POMP: variants seen among roughly 807,000 people sequenced by gnomAD.
The protein encoded by POMP is proteasome maturation protein.
POMP carries 12 observed loss-of-function variants against 20.6 expected under a neutral mutation model. The ratio of observed to expected loss-of-function variants is 0.58; its 90% CI spans 0.37 to 0.94. The LOEUF is 0.94. POMP is among the 40% of genes least tolerant of loss of function. The probability of loss-of-function intolerance (pLI) is 0.01; values close to 1 mark genes in which losing one functional copy is unlikely to be tolerated. For synonymous variants in POMP, 53 were observed against 55.0 expected, an observed-to-expected ratio of 0.96 and a Z score of 0.16; for missense variants, 136 against 161.1, an observed-to-expected ratio of 0.84 and a Z score of 0.84.
chr13:28,670,950 G>A (rs561499775), intron 4 of POMP, among the ~76,000 whole-genome samples: 2 of 151,714 alleles, frequency 1.3e-5, no homozygotes, highest in African/African-American at 2.4e-5. Flanking sequence ...GGGAGGCTGA[G>A]GCAGGAGAAT....
At chr13:28,668,848 C>T (rs1373242732) in intron 4 of POMP, among the ~76,000 whole-genome samples, 1 of 151,768 alleles carries the variant, frequency 6.6e-6, no homozygotes, top group Non-Finnish European at 1.5e-5. Context: ...AATTTGAGAT[C>T]CCTCTAAGAA....
At chr13:28,666,281 G>A (rs570022712) in intron 3 of POMP, among the ~76,000 whole-genome samples, 10 of 152,120 alleles carry the variant, frequency 6.6e-5, no homozygotes, top group Non-Finnish European at 1.2e-4. Context: ...AGCAGATTAC[G>A]TTAGTTACTA....
At position 28,678,811 on chromosome 13, in the gene POMP, T is replaced by A. The variant is rs1360997904; in HGVS notation, c.*709T>A. 1 of 152,234 alleles carries A rather than the reference T, an allele frequency of 6.6e-6. No individual in the cohort carries two copies. The highest frequency in any genetic ancestry group is 1.5e-5 in the Non-Finnish European group (1 of 68,054). The allele number at this position is 152,234 out of a possible 1,614,324, so 9.4% of individuals were successfully genotyped here. On this transcript the variant is annotated 3_prime_UTR_variant, in exon 6 of 6. Transcript: ENST00000380842. ...TGTTCTTAATTTATATATTACAAGATACTGTAAGGTATTCTTTATGAAGTT... is the reference window on the plus strand; with the variant it reads ...TGTTCTTAATTTATATATTACAAGAAACTGTAAGGTATTCTTTATGAAGTT...
rs1037730908 is a variant in POMP, at chr13:28,666,910, G to C, written c.163-1563G>C. Among the ~76,000 whole-genome samples, 5 of 152,272 alleles carry C rather than the reference G, an allele frequency of 3.3e-5. No homozygotes were observed. In the East Asian group the frequency reaches 9.7e-4, roughly 29 times the overall value. On this transcript the variant is annotated intron_variant, in intron 3 of 5. Coordinates refer to ENST00000380842, the MANE Select transcript of POMP (RefSeq NM_015932.6). ...TGTCACAAGTGGTGCGGTGGGGGAT[G>C]GGGGGATGTAATATTGGCATCTATG...
chr13:28,669,757 C>A (rs1471156248), intron 4 of POMP, among the ~76,000 whole-genome samples: 1 of 152,182 alleles, frequency 6.6e-6, no homozygotes, highest in African/African-American at 2.4e-5. Flanking sequence ...AGTGCCCCAT[C>A]TCTAGTCCTT....
At position 28,662,489 on chromosome 13, in the gene POMP, A is replaced by C. The variant is rs140397494; in HGVS notation, c.83A>C (p.His28Pro). 1,338 of 1,612,556 alleles carry C rather than the reference A, an allele frequency of 8.3e-4. No homozygotes were observed. Among genetic ancestry groups the C allele is most frequent in the Non-Finnish European group, 1.1e-3 (1,271 of 1,178,558 alleles). Residue 28 changes from histidine (H) to proline (P), a missense_variant, in exon 2 of 6, where the codon CAT (histidine) becomes CCT (proline). By Grantham distance (77) the His-to-Pro change is moderately conservative. Coordinates refer to ENST00000380842, the MANE Select transcript of POMP (RefSeq NM_015932.6). ...TCAGCAAGTGGACCTTTTGAAAGTC[A>C]TGATCTTCTTCGGAAAGGGTATATG... ...ELSASGPFES[H>P]DLLRKGFSCV...
In POMP at chr13:28,662,392, T is replaced by C. The variant is rs763262267; in HGVS notation, c.4-18T>C. 5 of 1,586,568 alleles carry C rather than the reference T, an allele frequency of 3.2e-6. No homozygotes were observed. The highest frequency in any genetic ancestry group is 4.3e-6 in the Non-Finnish European group (5 of 1,155,446). ...AAATTTTTTTTCTATTTAATAATGT[T>C]TTTTATTTGTGTTGTAGAATGCCAG... is the stretch of plus-strand genomic sequence containing the variant. On this transcript the variant is annotated intron_variant, in intron 1 of 5. Transcript: ENST00000380842.
Position 28,678,344 on chromosome 13 carries a change from AGTT to A in POMP, c.*247_*249del, listed in dbSNP as rs1593177026. On this transcript the variant is annotated 3_prime_UTR_variant, in exon 6 of 6. Coordinates refer to ENST00000380842, the MANE Select transcript of POMP (RefSeq NM_015932.6). ...AAACAGTAGCCTTTGTCTTTAAAAA[AGTT>A]GTTGCTCATGAATATTATAAAATGA... The A allele has an allele frequency of 2.1e-6, 1 of 473,928 alleles. No homozygotes were observed. Among genetic ancestry groups the A allele is most frequent in the Non-Finnish European group, 3.8e-6 (1 of 263,276 alleles). 29.4% of individuals were successfully genotyped at this position (473,928 alleles called of 1,614,324 possible).
intron 1 of POMP, among the ~76,000 whole-genome samples, chr13:28,660,711 G>A (rs933260456): frequency 2.0e-5 from 3 of 152,094 alleles, no homozygotes; most frequent in Non-Finnish European, 4.4e-5. Context: ...TCTTTTCCTC[G>A]TCCACCATGA....
At chr13:28,677,410 A>G (rs1255799722) in intron 5 of POMP, among the ~76,000 whole-genome samples, 2 of 152,170 alleles carry the variant, frequency 1.3e-5, no homozygotes, top group Admixed American at 6.5e-5. Context: ...TTCTAGTCCT[A>G]TGTTGAGTAG....
chr13:28,660,175 T>C (rs1884308986), intron 1 of POMP, among the ~76,000 whole-genome samples: 1 of 152,222 alleles, frequency 6.6e-6, no homozygotes, highest in African/African-American at 2.4e-5. Flanking sequence ...AATGTTCATA[T>C]AGGGAAGTAA....
At position 28,664,267 on chromosome 13, in the gene POMP, G is replaced by A. The variant is rs1387166619; in HGVS notation, c.102-242G>A. 2.6e-5 allele frequency among the ~76,000 whole-genome samples: 4 copies of A among 152,084 alleles called. No homozygotes were observed. In the East Asian group the frequency reaches 7.7e-4, roughly 29 times the overall value. On this transcript the variant is annotated intron_variant, in intron 2 of 5. Transcript: ENST00000380842. The stretch of plus-strand genomic sequence containing the variant: ...AGTGATTGAAGTCTTGACCACCAAT[G>A]TCTATAATGGATACATTCTTACATT...
intron 1 of POMP, among the ~76,000 whole-genome samples, chr13:28,662,186 A>G (rs1884354542): frequency 6.6e-6 from 1 of 152,160 alleles, no homozygotes. Flanking sequence ...GCATTCAGAG[A>G]TCACCTCAGG....
rs1368480784 is a variant in POMP, at chr13:28,672,569, A to G, written c.358+137A>G. Reference sequence around the variant, plus strand: ...CACTTTATTCATTGCATTAAGATAAAGTTTAATGGTAGTAACTGTTCTTTA... The same window carrying G: ...CACTTTATTCATTGCATTAAGATAAGGTTTAATGGTAGTAACTGTTCTTTA... On this transcript the variant is annotated intron_variant, in intron 5 of 5. Transcript: ENST00000380842. 7 of 739,760 alleles carry G rather than the reference A, an allele frequency of 9.5e-6. No homozygotes were observed. In the Admixed American group the frequency reaches 1.0e-4, roughly 11 times the overall value. 45.8% of individuals were successfully genotyped at this position (739,760 alleles called of 1,614,324 possible). A position where few individuals can be genotyped will look rare whatever the true frequency, so the allele number is the denominator to read the frequency against.
rs374402169 is a variant in POMP at position 28,672,436 on chromosome 13, A to G, written c.358+4A>G. The G allele has an allele frequency of 5.5e-5, 86 of 1,569,094 alleles. No individual in the cohort carries two copies. The highest frequency in any genetic ancestry group is 7.4e-5 in the Non-Finnish European group (84 of 1,139,376). ...GGATTTGAGGATATTCTTAATGGTA[A>G]GTGTCATTCAGCACCTTTTTATGGA... On this transcript the variant is annotated splice_donor_region_variant and intron_variant, in intron 5 of 5. Transcript: ENST00000380842.
rs560168079 is a variant in POMP, at chr13:28,674,772, C to A, written c.358+2340C>A. 1.8e-3 allele frequency among the ~76,000 whole-genome samples: 278 copies of A among 152,292 alleles called. 5 individuals are homozygous for A. The highest frequency in any genetic ancestry group is 2.5e-3 in the South Asian group (12 of 4,828). On this transcript the variant is annotated intron_variant, in intron 5 of 5. Transcript: ENST00000380842. ...GTCACTAGCTGGCTGGATGTGGTGG[C>A]TCAGATCCATAATCCCAGCACTCTG...
chr13:28,668,237 AT>A (rs1444046784), intron 3 of POMP, among the ~76,000 whole-genome samples: 1 of 152,172 alleles, frequency 6.6e-6, no homozygotes, highest in African/African-American at 2.4e-5. Flanking sequence ...ACTTTTATAA[AT>A]TTGGAATTTT....
At chr13:28,670,007 G>A (rs1884519215) in intron 4 of POMP, among the ~76,000 whole-genome samples, 1 of 152,190 alleles carries the variant, frequency 6.6e-6, no homozygotes. Flanking sequence ...CTACTCAGGA[G>A]GCTGAGGTGG....
chr13:28,661,029 A>G (rs1261730940), intron 1 of POMP, among the ~76,000 whole-genome samples: 1 of 152,268 alleles, frequency 6.6e-6, no homozygotes, highest in Non-Finnish European at 1.5e-5. Context: ...AAACGAATTA[A>G]GAAATCAGTT....
Sources: gnomAD v4.1 joint callset for allele counts (sites outside exome capture counted in the v4.1 genomes callset) on GRCh38, gnomAD v4.1.1 for gene constraint, MANE v1.5 for transcripts, NCBI Gene and HGNC (gene_info 2026-07-23, HGNC 2026-07-21) for gene names.